Variants in TNPO1 observed in about 807,000 individuals in gnomAD.
TNPO1 encodes the protein transportin 1, also known as transportin-1.
TNPO1 carries 8 observed loss-of-function variants against 119.5 expected under a neutral mutation model. The ratio of observed to expected loss-of-function variants is 0.07; its 90% CI spans 0.04 to 0.12. The LOEUF is 0.12. TNPO1 is among the 10% of genes least tolerant of loss of function. TNPO1 has a pLI of 1.00. For missense variants in TNPO1, 576 were observed against 1,089.8 expected (o/e 0.53, Z 6.64); for synonymous variants, 362 against 363.0 (o/e 1.00, Z 0.03).
chr5:72,880,047 C>T (rs945434655), intron 9 of TNPO1, among the ~76,000 whole-genome samples: 4 of 152,016 alleles, frequency 2.6e-5, no homozygotes, highest in Admixed American at 6.6e-5. Flanking sequence ...ATTAGCTGGG[C>T]GTGGCAGCAC....
intron 6 of TNPO1, chr5:72,871,843 C>T (rs948636593): frequency 3.9e-5 from 6 of 152,130 alleles, no homozygotes; most frequent in Admixed American, 3.9e-4. Context: ...GGCAAGTAGT[C>T]AGCAAACTAT....
chr5:72,881,404 T>C (rs1194731734), intron 9 of TNPO1, among the ~76,000 whole-genome samples: 1 of 152,202 alleles, frequency 6.6e-6, no homozygotes, highest in East Asian at 1.9e-4. Flanking sequence ...CTGACAAACA[T>C]CAGAGCCACG....
At chr5:72,848,766 G>C (rs1375865347) in intron 2 of TNPO1, among the ~76,000 whole-genome samples, 3 of 146,568 alleles carry the variant, frequency 2.0e-5, no homozygotes, top group African/African-American at 7.3e-5. Context: ...GGAGGCGGGG[G>C]CCCCCGGCCG....
intron 4 of TNPO1, among the ~76,000 whole-genome samples, chr5:72,858,832 G>A (rs1349517055): frequency 4.7e-5 from 7 of 149,194 alleles, no homozygotes; most frequent in Non-Finnish European, 7.4e-5. Context: ...GTGAGACTCC[G>A]TCTCAAAAAA....
intron 3 of TNPO1, 36 bp downstream of exon 3, chr5:72,851,355 T>A (rs746150735): frequency 1.7e-6 from 2 of 1,208,348 alleles, no homozygotes; most frequent in African/African-American, 3.0e-5. Flanking sequence ...ATTTAAAGTT[T>A]CTTTAAGACC....
intron 6 of TNPO1, among the ~76,000 whole-genome samples, chr5:72,866,027 G>A (rs1240738573): frequency 6.6e-6 from 1 of 150,544 alleles, no homozygotes; most frequent in East Asian, 2.0e-4. Context: ...GCCAGGATTA[G>A]TTGTGGGTTT....
At chr5:72,855,973 T>C in intron 4 of TNPO1, 50 bp downstream of exon 4, 1 of 1,568,584 alleles carries the variant, frequency 6.4e-7, no homozygotes, top group Non-Finnish European at 8.7e-7. Context: ...ACTGGGTCAT[T>C]TTTAGAGATG....
intron 5 of TNPO1, among the ~76,000 whole-genome samples, chr5:72,865,121 AC>A (rs1746781822): frequency 6.6e-6 from 1 of 152,198 alleles, no homozygotes; most frequent in African/African-American, 2.4e-5. Context: ...ATTTTTACAT[AC>A]TCGATGATAT....
Position 72,889,892 on chromosome 5 carries a change from C to G in TNPO1, c.1636C>G (p.Leu546Val), listed in dbSNP as rs771796017. The G allele has an allele frequency of 6.2e-7, 1 of 1,613,692 alleles. No individual in the cohort carries two copies. Among genetic ancestry groups the G allele is most frequent in the Non-Finnish European group, 8.5e-7 (1 of 1,179,898 alleles). ...ATTTAGTAAATACCAGCATAAGAAC[C>G]TGCTCATTCTTTACGATGCCATAGG... ...FAFSKYQHKNLLILYDAIGTL... is the reference protein window; with the variant it reads ...FAFSKYQHKNVLILYDAIGTL... Residue 546 changes from leucine to valine, a missense_variant, in exon 14 of 25, where the codon CTG becomes GTG. Around this residue, in one of 6 missense-constraint regions of TNPO1, gnomAD observed 23 missense variants for 105.8 expected, o/e 0.22. Coordinates refer to ENST00000337273, the MANE Select transcript of TNPO1 (RefSeq NM_002270.4).
At chr5:72,821,888 A>G (rs1056330429) in intron 1 of TNPO1, among the ~76,000 whole-genome samples, 1 of 152,174 alleles carries the variant, frequency 6.6e-6, no homozygotes, top group African/African-American at 2.4e-5. Flanking sequence ...CCTGAAAGGT[A>G]TATAGCAGGG....
At position 72,866,753 on chromosome 5, in the gene TNPO1, C is replaced by G. The variant is rs535921911; in HGVS notation, c.596+1024C>G. Among the ~76,000 whole-genome samples, 9 of 151,546 alleles carry G rather than the reference C, an allele frequency of 5.9e-5. No individual in the cohort carries two copies. In the South Asian group the frequency reaches 1.7e-3, roughly 28 times the overall value. ...TGGGCGACAGAATGAGACCTTGTCT[C>G]AAAAAAGAAAAACAGAAAAAATTCA... On this transcript the variant is annotated intron_variant, in intron 6 of 24. Transcript: ENST00000337273.
In TNPO1 at chr5:72,883,204, T is replaced by C. The variant is rs377759653; in HGVS notation, c.1122T>C (p.Asp374=). The change falls in exon 11 of 25, where the codon GAT becomes GAC. Residue 374 remains aspartate (D), a synonymous_variant. Transcript: ENST00000337273. The part of the protein sequence containing the change: ...EEDDDDDEID[D]DDTISDWNLR... ...ATGATGATGATGATGAAATTGATGA[T>C]GATGATACAATTTCTGACTGGAATC... The C allele has an allele frequency of 1.3e-6, 2 of 1,536,182 alleles. No homozygotes were observed. Among genetic ancestry groups the C allele is most frequent in the East Asian group, 2.2e-5 (1 of 44,576 alleles).
At chr5:72,893,556 A>C in intron 17 of TNPO1, 21 bp downstream of exon 17, 1 of 1,614,166 alleles carries the variant, frequency 6.2e-7, no homozygotes, top group Non-Finnish European at 8.5e-7. Context: ...AAAGGTGAAA[A>C]TGAATTGAAG....
intron 6 of TNPO1, among the ~76,000 whole-genome samples, chr5:72,870,419 C>A (rs1014703958): frequency 6.6e-6 from 1 of 152,166 alleles, no homozygotes; most frequent in African/African-American, 2.4e-5. Flanking sequence ...ACCGTAGCCT[C>A]CCAGAGTGCT....
Position 72,891,903 on chromosome 5 carries a change from AG to A in TNPO1, c.1788+10del, listed in dbSNP as rs1270354282. On this transcript the variant is annotated splice_region_variant and intron_variant, in intron 15 of 24. Transcript: ENST00000337273. ...TCTCTTCCCTTTACTTGAGGTATGC[AG>A]GGCTAGTAATATTTAATCTGTTGCC... 1.9e-6 allele frequency: 3 copies of A among 1,600,038 alleles called. No individual in the cohort carries two copies. The highest frequency in any genetic ancestry group is 3.4e-5 in the Admixed American group (2 of 58,616).
At chr5:72,876,866 G>T (rs1403681911) in intron 8 of TNPO1, among the ~76,000 whole-genome samples, 2 of 151,996 alleles carry the variant, frequency 1.3e-5, no homozygotes, top group Non-Finnish European at 2.9e-5. Context: ...AGGCCGAGGT[G>T]GGCAGATCAC....
At chr5:72,894,625 T>TATCA (rs1461887100) in intron 18 of TNPO1, among the ~76,000 whole-genome samples, 3 of 152,156 alleles carry the variant, frequency 2.0e-5, no homozygotes, top group Non-Finnish European at 4.4e-5. Flanking sequence ...GAGCTGATAC[T>TATCA]GTACCACTAC....
chr5:72,893,279 C>T, intron 16 of TNPO1, 33 bp downstream of exon 16: 2 of 1,605,156 alleles, frequency 1.2e-6, no homozygotes, highest in Non-Finnish European at 1.7e-6. Flanking sequence ...CTCTTCTTGA[C>T]ATGGTGGACA....
At chr5:72,888,424 T>C (rs1291709592) in intron 13 of TNPO1, 121 bp downstream of exon 13, 1 of 869,124 alleles carries the variant, frequency 1.2e-6, no homozygotes, top group Non-Finnish European at 1.8e-6. Flanking sequence ...ATTTTCCAGT[T>C]ATATCAGAAA....
Sources: allele counts gnomAD v4.1 joint callset (sites outside exome capture counted in the v4.1 genomes callset), GRCh38; gene constraint gnomAD v4.1.1; regional missense constraint gnomAD v4.1.1; transcripts MANE v1.5; gene names NCBI Gene and HGNC (gene_info 2026-07-23, HGNC 2026-07-21).